KCNMA1: variants seen among roughly 807,000 people sequenced by gnomAD.
KCNMA1 encodes potassium calcium-activated channel subfamily M alpha 1, also known as Calcium-activated potassium channel subunit alpha-1.
A neutral mutation model predicts 140.0 loss-of-function variants in KCNMA1; 29 were observed. That is an observed-to-expected ratio of 0.21 (90% CI 0.15 to 0.28). The LOEUF (loss-of-function observed/expected upper bound fraction) is 0.28, where lower values mean the gene tolerates loss of function less well. Ranked by LOEUF, KCNMA1 falls within the 10% of genes least tolerant of loss-of-function variation. The pLI, the probability that KCNMA1 is intolerant of heterozygous loss-of-function variation, is 1.00. For synonymous variants in KCNMA1, 612 were observed against 611.9 expected (o/e 1.00, Z 0.00); for missense variants, 880 against 1,602.2 (o/e 0.55, Z 7.70).
chr10:77,576,497 C>T (rs2074142909), intron 1 of KCNMA1, among the ~76,000 whole-genome samples: 1 of 151,558 alleles, frequency 6.6e-6, no homozygotes, highest in South Asian at 2.1e-4. Flanking sequence ...TCTCCCAGCA[C>T]TTGATGGGGC....
At chr10:77,297,875 C>T (rs1405292976) in intron 2 of KCNMA1, among the ~76,000 whole-genome samples, 2 of 152,088 alleles carry the variant, frequency 1.3e-5, no homozygotes, top group African/African-American at 4.8e-5. Context: ...AGATGGAGAC[C>T]CAAAGGGAGA....
chr10:77,627,189 T>G (rs1247312373), intron 1 of KCNMA1, among the ~76,000 whole-genome samples: 1 of 152,226 alleles, frequency 6.6e-6, no homozygotes, highest in Non-Finnish European at 1.5e-5. Context: ...TCAAGAGCAC[T>G]GTCTGTCTCC....
intron 9 of KCNMA1, among the ~76,000 whole-genome samples, chr10:77,094,526 C>G (rs928853983): frequency 6.6e-6 from 1 of 152,048 alleles, no homozygotes; most frequent in Non-Finnish European, 1.5e-5. Context: ...TTTGCAAGAT[C>G]ACTAGAGTCT....
chr10:76,883,610 T>C (rs1292668004), downstream of KCNMA1, among the ~76,000 whole-genome samples: 3 of 152,190 alleles, frequency 2.0e-5, no homozygotes, highest in Non-Finnish European at 4.4e-5. Flanking sequence ...TTGGACTAAA[T>C]GGCTTACAAA....
intron 5 of KCNMA1, among the ~76,000 whole-genome samples, chr10:77,163,854 A>C (rs1430035827): frequency 6.6e-6 from 1 of 152,130 alleles, no homozygotes. Flanking sequence ...GACCTGTGAC[A>C]TGTGTCTTCT....
At chr10:77,022,462 G>A (rs1488601339) in intron 16 of KCNMA1, among the ~76,000 whole-genome samples, 1 of 152,182 alleles carries the variant, frequency 6.6e-6, no homozygotes, top group Non-Finnish European at 1.5e-5. Context: ...CTGGAAGCAC[G>A]GGGCTGGTGT....
intron 1 of KCNMA1, among the ~76,000 whole-genome samples, chr10:77,610,295 C>T (rs1284118121): frequency 6.6e-6 from 1 of 152,234 alleles, no homozygotes; most frequent in Admixed American, 6.5e-5. Context: ...CCCCCCACCA[C>T]ACACACTGAA....
chr10:77,491,377 C>T (rs2039785015), intron 1 of KCNMA1, among the ~76,000 whole-genome samples: 1 of 152,118 alleles, frequency 6.6e-6, no homozygotes. Flanking sequence ...GGGGCTGCCA[C>T]ATTGTTCCAT....
chr10:77,132,041 T>G (rs1297387679), intron 5 of KCNMA1, among the ~76,000 whole-genome samples: 2 of 151,622 alleles, frequency 1.3e-5, no homozygotes, highest in African/African-American at 4.8e-5. Context: ...AAAGGCAACT[T>G]TCCTTCAAGA....
At chr10:76,890,330 C>T (rs566650876) in intron 26 of KCNMA1, among the ~76,000 whole-genome samples, 10 of 152,274 alleles carry the variant, frequency 6.6e-5, no homozygotes, top group South Asian at 6.2e-4. Flanking sequence ...CTGGGCACTG[C>T]GGGATGGCTT....
At chr10:76,952,648 T>C (rs972945960) in intron 21 of KCNMA1, among the ~76,000 whole-genome samples, 13 of 152,252 alleles carry the variant, frequency 8.5e-5, no homozygotes, top group Admixed American at 6.5e-5. Context: ...TGCCTGCAAC[T>C]TTCCCACCTC....
intron 1 of KCNMA1, among the ~76,000 whole-genome samples, chr10:77,407,691 TCAGCCTCTTCCA>T (rs1441866935): frequency 6.6e-6 from 1 of 152,172 alleles, no homozygotes; most frequent in East Asian, 1.9e-4. Context: ...CCCTTGAGTC[TCAGCCTCTTCCA>T]TGTAAGATGG....
chr10:76,981,986 C>A (rs1487423054), intron 19 of KCNMA1, among the ~76,000 whole-genome samples: 3 of 152,096 alleles, frequency 2.0e-5, no homozygotes, highest in Non-Finnish European at 2.9e-5. Flanking sequence ...TCTAGGCCTG[C>A]CTTGGATCAA....
intron 9 of KCNMA1, among the ~76,000 whole-genome samples, chr10:77,104,354 C>T (rs1028640530): frequency 6.6e-6 from 1 of 152,162 alleles, no homozygotes; most frequent in Non-Finnish European, 1.5e-5. Flanking sequence ...GAGCAAGAGA[C>T]GGGTTAGTCC....
In KCNMA1 at chr10:77,449,780, C is replaced by T. The variant is rs1225541942; in HGVS notation, c.379-45757G>A. ...GCCTCAGCCTCCCGAGTAGCTGGGA[C>T]TACAGGCACCCACCACCATGCCCAG... is the stretch of plus-strand genomic sequence containing the variant. On this transcript the variant is annotated intron_variant, in intron 1 of 27. Transcript: ENST00000286628. Among the ~76,000 whole-genome samples the T allele has an allele frequency of 2.7e-5, 4 of 150,794 alleles. No homozygotes were observed. In the South Asian group the frequency reaches 6.3e-4, roughly 24 times the overall value.
At chr10:76,878,900 A>C (rs2033340979) in intron 29 of KCNMA1, among the ~76,000 whole-genome samples, 1 of 152,184 alleles carries the variant, frequency 6.6e-6, no homozygotes, top group Non-Finnish European at 1.5e-5. Context: ...TAACTTGGGA[A>C]TCATATGCCT....
intron 29 of KCNMA1, among the ~76,000 whole-genome samples, chr10:76,878,142 G>A (rs1290186893): frequency 6.6e-6 from 1 of 152,158 alleles, no homozygotes. Flanking sequence ...GCGGACCTCA[G>A]AGGCTAAGGA....
rs528213381 is a variant in KCNMA1 at position 77,439,154 on chromosome 10, G to A, written c.379-35131C>T. Among the ~76,000 whole-genome samples, 744 of 125,986 alleles carry A rather than the reference G, an allele frequency of 5.9e-3. 4 individuals are homozygous for A. The highest frequency in any genetic ancestry group is 0.022 in the Middle Eastern group (5 of 230). The allele number at this position is 125,986 out of a possible 152,430, so 82.7% of individuals were successfully genotyped here. On this transcript the variant is annotated intron_variant, in intron 1 of 27. Transcript: ENST00000286628. ...AGAGAAGAGAAGAGAAGAGAAAAGA[G>A]AAGAGAAGAAAAGAAAAGAGAAGAG... is the stretch of plus-strand genomic sequence containing the variant.
intron 1 of KCNMA1, among the ~76,000 whole-genome samples, chr10:77,503,484 G>T (rs1174000855): frequency 6.6e-6 from 1 of 152,068 alleles, no homozygotes; most frequent in East Asian, 1.9e-4. Flanking sequence ...ATGAAGCCAA[G>T]AATTTAGTTC....
Sources: allele counts gnomAD v4.1 joint callset (sites outside exome capture counted in the v4.1 genomes callset), GRCh38; gene constraint gnomAD v4.1.1; transcripts MANE v1.5; gene names NCBI Gene and HGNC (gene_info 2026-07-23, HGNC 2026-07-21).